The following NRF1 variants were observed in gnomAD, a reference collection of about 807,000 sequenced individuals.
NRF1 encodes alpha palindromic-binding protein.
In NRF1, 5 loss-of-function variants were observed where a neutral mutation model predicts 58.5. The observed-to-expected ratio is 0.09, with a 90% confidence interval of 0.04 to 0.18. NRF1 has a LOEUF of 0.18. Among genes scored for constraint, NRF1 ranks in the 10% least tolerant of loss-of-function variants. NRF1 has a pLI of 1.00. For missense variants in NRF1, 288 were observed against 657.7 expected, an observed-to-expected ratio of 0.44 and a Z score of 6.15; for synonymous variants, 224 against 246.7, an observed-to-expected ratio of 0.91 and a Z score of 0.86.
intron 2 of NRF1, among the ~76,000 whole-genome samples, chr7:129,664,953 G>A (rs1189054820): frequency 6.6e-6 from 1 of 152,150 alleles, no homozygotes; most frequent in Non-Finnish European, 1.5e-5. Flanking sequence ...GTGGGGGAGA[G>A]CTACCAATAA....
At chr7:129,677,380 C>A (rs73470459) in intron 3 of NRF1, among the ~76,000 whole-genome samples, 4,711 of 152,170 alleles carry the variant, frequency 0.031, 245 homozygotes, top group African/African-American at 0.1. Flanking sequence ...AAGAATGATA[C>A]CATGTTCAAA....
intron 8 of NRF1, among the ~76,000 whole-genome samples, chr7:129,713,083 G>GT (rs1357725146): frequency 6.8e-6 from 1 of 147,170 alleles, no homozygotes; most frequent in Non-Finnish European, 1.5e-5. Flanking sequence ...CATTAATGGA[G>GT]TTGCGTTTCC....
At chr7:129,703,051 G>A (rs533432454) in intron 5 of NRF1, among the ~76,000 whole-genome samples, 1 of 152,244 alleles carries the variant, frequency 6.6e-6, no homozygotes, top group South Asian at 2.1e-4. Flanking sequence ...AATTGGATAA[G>A]ACGTTTTAGA....
chr7:129,739,977 CAA>C (rs961007036), intron 10 of NRF1, among the ~76,000 whole-genome samples: 18 of 152,140 alleles, frequency 1.2e-4, no homozygotes, highest in African/African-American at 4.3e-4. Context: ...TCTAGACACT[CAA>C]AGAGGGGTAC....
intron 10 of NRF1, among the ~76,000 whole-genome samples, chr7:129,749,091 A>G (rs1804051148): frequency 6.6e-6 from 1 of 152,250 alleles, no homozygotes; most frequent in Non-Finnish European, 1.5e-5. Context: ...GGCCAGGCTT[A>G]TGAATAGATA....
At chr7:129,728,199 G>A (rs1803493030) in intron 10 of NRF1, among the ~76,000 whole-genome samples, 1 of 152,036 alleles carries the variant, frequency 6.6e-6, no homozygotes, top group South Asian at 2.1e-4. Context: ...ATACTCCATG[G>A]CTTTGGGGAA....
intron 10 of NRF1, chr7:129,744,283 A>C (rs1350906881): frequency 1.3e-6 from 2 of 1,481,864 alleles, no homozygotes; most frequent in Admixed American, 4.0e-5. Context: ...AGTCACTGTG[A>C]GGCTGTCATT....
At chr7:129,619,990 G>A (rs1013486530) in intron 1 of NRF1, among the ~76,000 whole-genome samples, 1 of 152,006 alleles carries the variant, frequency 6.6e-6, no homozygotes, top group Admixed American at 6.5e-5. Context: ...ATTTTTCTGG[G>A]GAGAGGGTCC....
intron 6 of NRF1, among the ~76,000 whole-genome samples, chr7:129,710,130 C>G (rs1416716563): frequency 6.6e-6 from 1 of 152,096 alleles, no homozygotes; most frequent in Non-Finnish European, 1.5e-5. Context: ...AGAGTTTGGC[C>G]TCAGGTTGGA....
Position 129,648,559 on chromosome 7 carries a change from G to A in NRF1, c.-6-8787G>A, listed in dbSNP as rs550887613. 5.3e-5 allele frequency among the ~76,000 whole-genome samples: 8 copies of A among 152,208 alleles called. No individual in the cohort carries two copies. The South Asian group carries it at 1.5e-3, about 28-fold the overall frequency. ...CTCCCAAAGTGCTGAGATTACAGGC[G>A]TGAGCCACCACACCCAGCTTGACTT... On this transcript the variant is annotated intron_variant, in intron 1 of 10. Transcript: ENST00000393232.
At chr7:129,707,567 T>C (rs541870215) in intron 5 of NRF1, among the ~76,000 whole-genome samples, 15 of 152,220 alleles carry the variant, frequency 9.9e-5, no homozygotes, top group South Asian at 2.1e-4. Flanking sequence ...CCCAAGAAAT[T>C]AGAATAAAGG....
intron 1 of NRF1, among the ~76,000 whole-genome samples, chr7:129,625,704 C>T (rs1247406426): frequency 4.4e-5 from 4 of 90,286 alleles, no homozygotes; most frequent in Non-Finnish European, 6.2e-5. Context: ...TTTTTTGAGA[C>T]GGAGTCTCGC....
At chr7:129,671,581 A>G (rs769037376) in intron 3 of NRF1, 38 bp downstream of exon 3, 2 of 1,100,288 alleles carry the variant, frequency 1.8e-6, no homozygotes, top group South Asian at 2.5e-5. Context: ...CTATTCCTCA[A>G]ATACTTCCTG....
chr7:129,663,626 G>A (rs1158906013), intron 2 of NRF1, among the ~76,000 whole-genome samples: 21 of 143,084 alleles, frequency 1.5e-4, no homozygotes, highest in Admixed American at 7.0e-4. Flanking sequence ...GGGCAGAGGC[G>A]CTCCTCACTT....
chr7:129,634,163 C>T (rs967393344), intron 1 of NRF1, among the ~76,000 whole-genome samples: 2 of 151,368 alleles, frequency 1.3e-5, no homozygotes, highest in Non-Finnish European at 2.9e-5. Context: ...CTCTCCTACC[C>T]ATTTCCTTTA....
intron 4 of NRF1, among the ~76,000 whole-genome samples, chr7:129,685,669 G>A (rs111275578): frequency 0.051 from 7,687 of 151,582 alleles, 621 homozygotes; most frequent in African/African-American, 0.18. Context: ...TGTGTATAGT[G>A]TATTCTGGAA....
At chr7:129,728,468 C>CA (rs60777041) in intron 10 of NRF1, among the ~76,000 whole-genome samples, 22,502 of 94,104 alleles carry the variant, frequency 0.24, 5,545 homozygotes, top group Non-Finnish European at 0.33. Context: ...GACTCCGTCT[C>CA]AAAAAAAAAA....
intron 10 of NRF1, among the ~76,000 whole-genome samples, chr7:129,747,327 C>A (rs1177016326): frequency 6.6e-6 from 1 of 152,216 alleles, no homozygotes; most frequent in African/African-American, 2.4e-5. Flanking sequence ...GCCTGCCAGT[C>A]CATCTGCCCT....
intron 1 of NRF1, among the ~76,000 whole-genome samples, chr7:129,615,347 A>G (rs905566395): frequency 3.3e-5 from 5 of 152,236 alleles, no homozygotes; most frequent in Admixed American, 6.5e-5. Flanking sequence ...TTTAACCTCA[A>G]GAGTTTAGAT....
Sources: allele counts gnomAD v4.1 joint callset (sites outside exome capture counted in the v4.1 genomes callset), GRCh38; gene constraint gnomAD v4.1.1; transcripts MANE v1.5; gene names NCBI Gene and HGNC (gene_info 2026-07-23, HGNC 2026-07-21).